SENP6: variants seen among roughly 807,000 people sequenced by gnomAD.
SENP6 encodes sentrin-specific protease 6.
In SENP6, 41 loss-of-function variants were observed where a neutral mutation model predicts 134.5. The ratio of observed to expected loss-of-function variants is 0.30; its 90% confidence interval spans 0.24 to 0.40. The LOEUF (loss-of-function observed/expected upper bound fraction) is 0.40, where lower values mean the gene tolerates loss of function less well. SENP6 is among the 10% of genes least tolerant of loss of function. SENP6 has a pLI of 1.00. For synonymous variants in SENP6, 395 were observed against 429.8 expected (o/e 0.92, Z 1.00); for missense variants, 1,248 against 1,312.5 (o/e 0.95, Z 0.76).
At chr6:75,690,905 C>T (rs1293895914) in intron 16 of SENP6, among the ~76,000 whole-genome samples, 1 of 151,774 alleles carries the variant, frequency 6.6e-6, no homozygotes, top group Non-Finnish European at 1.5e-5. Context: ...ACCTTGTTGG[C>T]CACGCTGGTC....
rs73453082 is a variant in SENP6 at position 75,642,342 on chromosome 6, G to A, written c.479+1638G>A. 9.4e-3 allele frequency among the ~76,000 whole-genome samples: 1,437 copies of A among 152,318 alleles called. 23 individuals are homozygous for A. The highest frequency in any genetic ancestry group is 0.033 in the African/African-American group (1,376 of 41,574). ...GTAGAGAAGTGTAATGGGTTGATGT[G>A]ATAGACTGACAGTATGATTTCTTTA... On this transcript the variant is annotated intron_variant, in intron 6 of 23. Transcript: ENST00000447266.
intron 16 of SENP6, among the ~76,000 whole-genome samples, chr6:75,688,087 C>G (rs572129883): frequency 1.3e-5 from 2 of 152,230 alleles, no homozygotes; most frequent in Admixed American, 6.5e-5. Flanking sequence ...TTTACCTACT[C>G]AAGCCTCAGC....
At chr6:75,609,394 T>A (rs548459272) in intron 1 of SENP6, among the ~76,000 whole-genome samples, 3 of 152,192 alleles carry the variant, frequency 2.0e-5, no homozygotes, top group Non-Finnish European at 4.4e-5. Context: ...GAGGCCCAAC[T>A]TCAGAAATTT....
intron 23 of SENP6, among the ~76,000 whole-genome samples, chr6:75,714,457 G>A (rs554772210): frequency 6.4e-4 from 98 of 152,252 alleles, no homozygotes; most frequent in African/African-American, 2.3e-3. Context: ...CTTGTTTATC[G>A]TCGAGTGTCG....
In SENP6 at chr6:75,715,582, T is replaced by G; in HGVS notation, c.3327T>G (p.Ser1109Arg). 6.2e-7 allele frequency: 1 copy of G among 1,603,484 alleles called. No individual in the cohort carries two copies. Among genetic ancestry groups the G allele is most frequent in the Non-Finnish European group, 8.5e-7 (1 of 1,174,010 alleles). Reference protein sequence around the residue: ...LGEGTEQYVNSISD With the variant: ...LGEGTEQYVNRISD The stretch of plus-strand genomic sequence containing the variant: ...AAGGAACAGAACAATATGTCAATAG[T>G]ATCTCAGATTGACCATTTCTGTTAC... The change falls in exon 24 of 24, where the codon AGT becomes AGG. Residue 1109 changes from serine to arginine, a missense_variant. This residue lies in a region of SENP6 where 386 missense variants were observed against 395.0 expected (regional missense o/e 0.98). Transcript: ENST00000447266.
chr6:75,712,093 A>G (rs1250563041), intron 21 of SENP6, among the ~76,000 whole-genome samples: 1 of 151,952 alleles, frequency 6.6e-6, no homozygotes. Flanking sequence ...CTACTCTTTG[A>G]AGGCTGTGGA....
At chr6:75,698,217 T>C (rs1774785967) in intron 18 of SENP6, among the ~76,000 whole-genome samples, 1 of 152,200 alleles carries the variant, frequency 6.6e-6, no homozygotes, top group East Asian at 1.9e-4. Flanking sequence ...AAAGAACCTG[T>C]GACAGAATCT....
intron 16 of SENP6, among the ~76,000 whole-genome samples, chr6:75,689,869 T>C (rs1774115648): frequency 6.7e-6 from 1 of 150,268 alleles, no homozygotes; most frequent in African/African-American, 2.5e-5. Flanking sequence ...TCTCAGAACA[T>C]AACCCCATTC....
intron 6 of SENP6, among the ~76,000 whole-genome samples, chr6:75,643,128 G>A (rs1178090809): frequency 6.6e-6 from 1 of 152,072 alleles, no homozygotes; most frequent in Non-Finnish European, 1.5e-5. Context: ...AGTATGTTGT[G>A]CAAACAGTGT....
At chr6:75,631,526 G>A (rs1769112058) in intron 3 of SENP6, among the ~76,000 whole-genome samples, 1 of 152,188 alleles carries the variant, frequency 6.6e-6, no homozygotes, top group Non-Finnish European at 1.5e-5. Flanking sequence ...GTTAGCTACA[G>A]TGGTTTTTAC....
chr6:75,670,713 C>G lies in SENP6; in HGVS notation c.1385C>G (p.Pro462Arg), dbSNP rs746560442. 2.7e-5 allele frequency: 43 copies of G among 1,602,006 alleles called. No homozygotes were observed. Among genetic ancestry groups the G allele is most frequent in the Non-Finnish European group, 3.5e-5 (41 of 1,172,652 alleles). The change falls in exon 11 of 24, where the codon CCT (proline) becomes CGT (arginine). Residue 462 changes from proline to arginine, a missense_variant. Pro to Arg is a moderately radical substitution (Grantham distance 103). Coordinates refer to ENST00000447266, the MANE Select transcript of SENP6 (RefSeq NM_015571.4). ...VGTLFRLLIE[P>R]VIFCLDFIKI... Reference sequence around the variant, plus strand: ...ACACTCTTCCGGCTGTTAATAGAGCCTGTAATTGTAAGTACATCTTAAGCT... The same window carrying G: ...ACACTCTTCCGGCTGTTAATAGAGCGTGTAATTGTAAGTACATCTTAAGCT...
At chr6:75,663,654 G>C in intron 9 of SENP6, 136 bp downstream of exon 9, 1 of 682,522 alleles carries the variant, frequency 1.5e-6, no homozygotes. Context: ...TTCTCATCCT[G>C]TCCATCTTAA....
At chr6:75,662,295 T>C (rs945758754) in intron 8 of SENP6, among the ~76,000 whole-genome samples, 5 of 152,056 alleles carry the variant, frequency 3.3e-5, no homozygotes, top group Admixed American at 6.5e-5. Flanking sequence ...GTTTTTTTTT[T>C]CTCTTCAATT....
chr6:75,607,924 A>G (rs1376727712), intron 1 of SENP6, among the ~76,000 whole-genome samples: 4 of 152,142 alleles, frequency 2.6e-5, no homozygotes, highest in African/African-American at 4.8e-5. Context: ...GCTTCTCCCA[A>G]ACGATTGGCA....
chr6:75,692,498 A>T (rs1043287448), intron 16 of SENP6, among the ~76,000 whole-genome samples: 2 of 152,128 alleles, frequency 1.3e-5, no homozygotes, highest in Non-Finnish European at 2.9e-5. Context: ...ATGGTAGTGC[A>T]GGCCTGTGGT....
intron 19 of SENP6, among the ~76,000 whole-genome samples, chr6:75,709,214 A>C (rs1176470445): frequency 6.6e-6 from 1 of 152,170 alleles, no homozygotes; most frequent in Non-Finnish European, 1.5e-5. Flanking sequence ...TGCCTAACAC[A>C]AAAGTACTTA....
At chr6:75,602,644 CGGATATTCA>C in intron 1 of SENP6, 68 bp downstream of exon 1, 1 of 1,474,348 alleles carries the variant, frequency 6.8e-7, no homozygotes, top group Non-Finnish European at 9.3e-7. Flanking sequence ...CCCAGAACCC[CGGATATTCA>C]GTTATCTGCG....
intron 1 of SENP6, among the ~76,000 whole-genome samples, chr6:75,609,050 G>T (rs1311393263): frequency 6.6e-6 from 1 of 152,142 alleles, no homozygotes; most frequent in Admixed American, 6.5e-5. Context: ...GATTATTCCT[G>T]TTGCTATTAG....
intron 19 of SENP6, among the ~76,000 whole-genome samples, chr6:75,708,374 T>G (rs1203536502): frequency 6.6e-6 from 1 of 152,224 alleles, no homozygotes; most frequent in East Asian, 1.9e-4. Flanking sequence ...AAAATTTATT[T>G]TATCCTGTCT....
Sources: allele counts gnomAD v4.1 joint callset (sites outside exome capture counted in the v4.1 genomes callset), GRCh38; gene constraint gnomAD v4.1.1; regional missense constraint gnomAD v4.1.1; transcripts MANE v1.5; gene names NCBI Gene and HGNC (gene_info 2026-07-23, HGNC 2026-07-21).